Variants in CNGB3 observed in about 807,000 individuals in gnomAD.
The protein encoded by CNGB3 is cyclic nucleotide-gated channel beta-3.
Under a neutral mutation model 92.8 loss-of-function variants are expected in CNGB3, and 86 were observed. That is an observed-to-expected ratio of 0.93 (90% CI 0.78 to 1.11). CNGB3 has a LOEUF of 1.11. Among genes scored for constraint, CNGB3 ranks in the 50% least tolerant of loss-of-function variants. The probability of loss-of-function intolerance (pLI) is 0.00; values close to 1 mark genes in which losing one functional copy is unlikely to be tolerated. For missense variants in CNGB3, 1,026 were observed against 956.8 expected (o/e 1.07, Z -0.95); for synonymous variants, 333 against 332.7 (o/e 1.00, Z -0.01).
chr8:86,642,507 T>A (rs1823209902), intron 10 of CNGB3, among the ~76,000 whole-genome samples: 2 of 151,800 alleles, frequency 1.3e-5, no homozygotes, highest in South Asian at 4.1e-4. Flanking sequence ...TCCAACTCAC[T>A]CTAGGTAGTA....
In CNGB3 at chr8:86,632,913, A is replaced by G; in HGVS notation, c.1179-20T>C. ...AGATACCTGTGAAAACAGAAGATAT[A>G]CATTTTGCTTTTTTTCTATATCATC... On this transcript the variant is annotated intron_variant, in intron 10 of 17. Coordinates refer to ENST00000320005, the MANE Select transcript of CNGB3 (RefSeq NM_019098.5). 1 of 1,610,902 alleles carries G rather than the reference A, an allele frequency of 6.2e-7. No homozygotes were observed. The highest frequency in any genetic ancestry group is 8.5e-7 in the Non-Finnish European group (1 of 1,179,206).
intron 3 of CNGB3, among the ~76,000 whole-genome samples, chr8:86,725,832 T>C (rs1422909465): frequency 6.6e-6 from 1 of 152,206 alleles, no homozygotes; most frequent in Non-Finnish European, 1.5e-5. Flanking sequence ...TATGCTTTTA[T>C]TGTTTCATAA....
intron 13 of CNGB3, among the ~76,000 whole-genome samples, chr8:86,613,891 A>C (rs1585969947): frequency 6.8e-6 from 1 of 147,856 alleles, no homozygotes; most frequent in Middle Eastern, 3.6e-3. Context: ...TATAATATAA[A>C]AATTATATAT....
intron 1 of CNGB3, among the ~76,000 whole-genome samples, chr8:86,743,051 C>A (rs1317429463): frequency 6.6e-6 from 1 of 152,072 alleles, no homozygotes; most frequent in Non-Finnish European, 1.5e-5. Context: ...CTGAAAGTGT[C>A]CCCAGATTTG....
At chr8:86,698,726 AG>A (rs1427889264) in intron 3 of CNGB3, among the ~76,000 whole-genome samples, 2 of 152,106 alleles carry the variant, frequency 1.3e-5, no homozygotes, top group African/African-American at 4.8e-5. Context: ...TTTGTTAGAG[AG>A]GGTGTTAAGA....
intron 3 of CNGB3, among the ~76,000 whole-genome samples, chr8:86,701,795 T>A (rs1217160428): frequency 6.6e-6 from 1 of 152,184 alleles, no homozygotes; most frequent in African/African-American, 2.4e-5. Flanking sequence ...ATTTTTATAC[T>A]CATTTGTTAC....
intron 13 of CNGB3, among the ~76,000 whole-genome samples, chr8:86,619,188 T>G (rs189300995): frequency 6.6e-6 from 1 of 152,218 alleles, no homozygotes; most frequent in South Asian, 2.1e-4. Context: ...CGCCACTAGG[T>G]GGCGCAACAG....
At chr8:86,623,301 T>A (rs1165456616) in intron 13 of CNGB3, among the ~76,000 whole-genome samples, 1 of 152,098 alleles carries the variant, frequency 6.6e-6, no homozygotes, top group Admixed American at 6.5e-5. Flanking sequence ...AACAAACACA[T>A]CTGTTTTTGT....
chr8:86,594,162 T>A (rs1243763199), intron 15 of CNGB3: 5 of 278,646 alleles, frequency 1.8e-5, no homozygotes, highest in South Asian at 1.1e-4. Context: ...ACGGGGAATG[T>A]GTCTCCAACG....
intron 3 of CNGB3, among the ~76,000 whole-genome samples, chr8:86,679,641 T>G (rs116934738): frequency 6.6e-6 from 1 of 152,196 alleles, no homozygotes; most frequent in Non-Finnish European, 1.5e-5. Flanking sequence ...TTCTCCTGTC[T>G]CAGCTTCCCA....
At chr8:86,626,477 T>C (rs913081395) in intron 12 of CNGB3, among the ~76,000 whole-genome samples, 1 of 152,182 alleles carries the variant, frequency 6.6e-6, no homozygotes, top group African/African-American at 2.4e-5. Flanking sequence ...CAAATAATAA[T>C]GAGCACCATG....
intron 7 of CNGB3, among the ~76,000 whole-genome samples, chr8:86,653,500 A>C (rs1188241397): frequency 6.6e-6 from 1 of 152,056 alleles, no homozygotes; most frequent in East Asian, 1.9e-4. Flanking sequence ...ATAACCCCTG[A>C]CCTCTGCCTA....
At chr8:86,724,050 C>G (rs902039126) in intron 3 of CNGB3, among the ~76,000 whole-genome samples, 1 of 152,060 alleles carries the variant, frequency 6.6e-6, no homozygotes, top group African/African-American at 2.4e-5. Context: ...AGGGAGGAGG[C>G]TGAGGGTCAA....
intron 13 of CNGB3, among the ~76,000 whole-genome samples, chr8:86,612,341 T>C (rs916599117): frequency 2.0e-5 from 3 of 152,232 alleles, no homozygotes; most frequent in African/African-American, 4.8e-5. Context: ...AAAAAATCTT[T>C]AGGTGCTACA....
At chr8:86,678,405 G>T (rs901783435) in intron 3 of CNGB3, among the ~76,000 whole-genome samples, 1 of 152,152 alleles carries the variant, frequency 6.6e-6, no homozygotes, top group African/African-American at 2.4e-5. Flanking sequence ...ATGCTGTGAA[G>T]ATTTTGAGTT....
chr8:86,617,276 C>T (rs1563728265), intron 13 of CNGB3, among the ~76,000 whole-genome samples: 2 of 152,174 alleles, frequency 1.3e-5, no homozygotes, highest in East Asian at 1.9e-4. Context: ...TTCTCCATTT[C>T]TAGGCTCATT....
rs116197989 is a variant in CNGB3, at chr8:86,654,930, C to T, written c.853-868G>A. On this transcript the variant is annotated intron_variant, in intron 6 of 17. Transcript: ENST00000320005. ...TGATGCTACCAAATCTCTACTTCCA[C>T]TAATATCACTTTCTTGAGCTGTTGA... is the stretch of plus-strand genomic sequence containing the variant. Among the ~76,000 whole-genome samples, 723 of 152,280 alleles carry T rather than the reference C, an allele frequency of 4.7e-3. 7 individuals are homozygous for T. Among genetic ancestry groups the T allele is most frequent in the African/African-American group, 0.017 (687 of 41,554 alleles).
intron 3 of CNGB3, among the ~76,000 whole-genome samples, chr8:86,701,653 C>G (rs145435949): frequency 1.2e-4 from 18 of 152,174 alleles, no homozygotes; most frequent in African/African-American, 4.3e-4. Context: ...AGTGAAAGCC[C>G]GAACAGTGCA....
At chr8:86,633,496 G>T (rs1469599224) in intron 10 of CNGB3, among the ~76,000 whole-genome samples, 2 of 152,170 alleles carry the variant, frequency 1.3e-5, no homozygotes. Flanking sequence ...GATGTCTAAG[G>T]TAGATGGATT....
Sources: gnomAD v4.1 joint callset for allele counts (sites outside exome capture counted in the v4.1 genomes callset) on GRCh38, gnomAD v4.1.1 for gene constraint, MANE v1.5 for transcripts, NCBI Gene and HGNC (gene_info 2026-07-23, HGNC 2026-07-21) for gene names.